TANC2: variants seen among roughly 807,000 people sequenced by gnomAD.
The protein encoded by TANC2 is protein TANC2.
A neutral mutation model predicts 210.5 loss-of-function variants in TANC2; 26 were observed. The ratio of observed to expected loss-of-function variants is 0.12; its 90% confidence interval spans 0.09 to 0.17. The LOEUF (loss-of-function observed/expected upper bound fraction) is 0.17, where lower values mean the gene tolerates loss of function less well. TANC2 is among the 10% of genes least tolerant of loss of function. The pLI is 1.00. For missense variants in TANC2, 2,129 were observed against 2,608.9 expected (o/e 0.82, Z 4.01); for synonymous variants, 931 against 967.1 (o/e 0.96, Z 0.69).
At chr17:63,313,926 A>G (rs765539589) in intron 9 of TANC2, among the ~76,000 whole-genome samples, 5 of 152,214 alleles carry the variant, frequency 3.3e-5, no homozygotes, top group Non-Finnish European at 7.3e-5. Flanking sequence ...AAGAGCTGCT[A>G]CGGTAAGCTG....
At chr17:63,101,628 A>G (rs2037624286) in intron 4 of TANC2, among the ~76,000 whole-genome samples, 1 of 152,234 alleles carries the variant, frequency 6.6e-6, no homozygotes, top group Admixed American at 6.5e-5. Context: ...GAAAAGGACC[A>G]CTAAGACCCC....
chr17:63,110,932 G>A (rs2038015875), intron 4 of TANC2, among the ~76,000 whole-genome samples: 1 of 152,134 alleles, frequency 6.6e-6, no homozygotes, highest in Non-Finnish European at 1.5e-5. Flanking sequence ...TATGACCTTG[G>A]CCGTGTCACT....
At position 63,367,011 on chromosome 17, in the gene TANC2, T is replaced by G. The variant is rs571348357; in HGVS notation, c.2582+11621T>G. Among the ~76,000 whole-genome samples the G allele has an allele frequency of 3.3e-5, 5 of 152,356 alleles. No individual in the cohort carries two copies. The South Asian group carries it at 1.0e-3, about 32-fold the overall frequency. On this transcript the variant is annotated intron_variant, in intron 14 of 27. Coordinates refer to ENST00000689528, the Ensembl canonical transcript of TANC2. ...GAGAAGTGGAAAAGATCAGGATTGT[T>G]AACCTATTCTTAATACTTGAGTCAT...
chr17:63,405,594 TACTA>T (rs1342534344), intron 20 of TANC2, among the ~76,000 whole-genome samples: 1 of 152,228 alleles, frequency 6.6e-6, no homozygotes, highest in African/African-American at 2.4e-5. Context: ...GTCTGAGACT[TACTA>T]AAAGAAAATA....
intron 19 of TANC2, among the ~76,000 whole-genome samples, chr17:63,403,942 G>A (rs1201600011): frequency 6.6e-6 from 1 of 152,202 alleles, no homozygotes; most frequent in Non-Finnish European, 1.5e-5. Flanking sequence ...GGAAATGAAT[G>A]CAAATGTCCA....
chr17:63,338,297 G>A (rs536177066), intron 11 of TANC2, among the ~76,000 whole-genome samples: 6 of 152,222 alleles, frequency 3.9e-5, no homozygotes, highest in African/African-American at 1.4e-4. Context: ...CTTCAGCATT[G>A]TCTTTTAGAT....
In TANC2 at chr17:63,406,148, T is replaced by G. The variant is rs753186681; in HGVS notation, c.3466-6T>G. ...CTAATTGGTCCCTGTTTCTCTGCAC[T>G]TGCAGATTGTTGATCTTTTACTCAC... is the stretch of plus-strand genomic sequence containing the variant. On this transcript the variant is annotated splice_region_variant and splice_polypyrimidine_tract_variant and intron_variant, in intron 20 of 27. Coordinates refer to ENST00000689528, the Ensembl canonical transcript of TANC2. The G allele has an allele frequency of 6.2e-7, 1 of 1,613,734 alleles. No individual in the cohort carries two copies. Among genetic ancestry groups the G allele is most frequent in the South Asian group, 1.1e-5 (1 of 91,074 alleles).
chr17:63,402,164 TC>T (rs1490444951), intron 19 of TANC2, among the ~76,000 whole-genome samples: 1 of 152,166 alleles, frequency 6.6e-6, no homozygotes, highest in Admixed American at 6.5e-5. Flanking sequence ...CATGTTGTTT[TC>T]CCCTCATTGC....
chr17:63,048,231 A>G (rs1350981238), intron 2 of TANC2, among the ~76,000 whole-genome samples: 1 of 152,146 alleles, frequency 6.6e-6, no homozygotes, highest in Admixed American at 6.5e-5. Flanking sequence ...AAGGTACCAT[A>G]TTTTGAGGTA....
intron 5 of TANC2, chr17:63,154,775 G>A (rs934557255): frequency 3.9e-5 from 6 of 152,068 alleles, no homozygotes; most frequent in African/African-American, 1.4e-4. Context: ...TTTGTTAAGT[G>A]TGTCCTGTTG....
At chr17:63,119,860 T>G (rs933212053) in intron 4 of TANC2, among the ~76,000 whole-genome samples, 2 of 152,070 alleles carry the variant, frequency 1.3e-5, no homozygotes, top group African/African-American at 4.8e-5. Flanking sequence ...ACAAATAATT[T>G]TTTTAAAAAA....
At chr17:63,085,360 T>C (rs776734181) in intron 3 of TANC2, among the ~76,000 whole-genome samples, 17 of 152,198 alleles carry the variant, frequency 1.1e-4, no homozygotes, top group Non-Finnish European at 2.4e-4. Flanking sequence ...TACTTGTTAC[T>C]ATTTTCTGTT....
chr17:63,218,175 C>A (rs1358144334), intron 7 of TANC2, among the ~76,000 whole-genome samples: 1 of 151,750 alleles, frequency 6.6e-6, no homozygotes. Flanking sequence ...GTCTTAGTTA[C>A]CCAGGAGGCT....
chr17:63,227,157 A>G (rs1427185442), intron 7 of TANC2, among the ~76,000 whole-genome samples: 2 of 152,118 alleles, frequency 1.3e-5, no homozygotes, highest in African/African-American at 4.8e-5. Flanking sequence ...TTCCAGTTCT[A>G]GGTCTTTGAG....
intron 4 of TANC2, chr17:63,117,007 T>C (rs1312815202): frequency 6.6e-6 from 1 of 152,086 alleles, no homozygotes; most frequent in East Asian, 1.9e-4. Flanking sequence ...AAGGAAACAG[T>C]AAGAGAGGAG....
intron 2 of TANC2, among the ~76,000 whole-genome samples, chr17:63,054,660 C>T (rs551303782): frequency 2.0e-5 from 3 of 151,840 alleles, no homozygotes; most frequent in Non-Finnish European, 2.9e-5. Flanking sequence ...GGATTACAGG[C>T]GTGAGCCACC....
At chr17:62,985,677 A>T (rs1302262834) in intron 1 of TANC2, among the ~76,000 whole-genome samples, 1 of 151,882 alleles carries the variant, frequency 6.6e-6, no homozygotes, top group African/African-American at 2.4e-5. Flanking sequence ...TTTTTATTTC[A>T]TTCATTGAAT....
chr17:63,314,254 C>T, intron 9 of TANC2, 134 bp from the exon 10 acceptor site: 1 of 923,820 alleles, frequency 1.1e-6, no homozygotes, highest in Non-Finnish European at 1.6e-6. Flanking sequence ...TTCGCAGTTG[C>T]ATTATTTCTG....
At chr17:63,380,931 A>C (rs536945792) in intron 15 of TANC2, among the ~76,000 whole-genome samples, 81 of 152,310 alleles carry the variant, frequency 5.3e-4, no homozygotes, top group African/African-American at 1.9e-3. Context: ...AGCAGAGTGG[A>C]GCTAAAATAA....
Sources: allele counts gnomAD v4.1 joint callset (sites outside exome capture counted in the v4.1 genomes callset), GRCh38; gene constraint gnomAD v4.1.1; transcripts MANE v1.5; gene names NCBI Gene and HGNC (gene_info 2026-07-23, HGNC 2026-07-21).